Variants in MORC2 observed in about 807,000 individuals in gnomAD.
MORC2 encodes ATPase MORC2.
A neutral mutation model predicts 136.0 loss-of-function variants in MORC2; 30 were observed. The observed-to-expected ratio is 0.22, with a 90% CI of 0.17 to 0.30. MORC2 has a LOEUF of 0.30. MORC2 is among the 10% of genes least tolerant of loss of function. The pLI is 1.00. For missense variants in MORC2, 922 were observed against 1,333.1 expected (o/e 0.69, Z 4.80); for synonymous variants, 439 against 487.0 (o/e 0.90, Z 1.30).
intron 6 of MORC2, among the ~76,000 whole-genome samples, chr22:30,945,210 C>G (rs2040798503): frequency 6.6e-6 from 1 of 152,200 alleles, no homozygotes; most frequent in Non-Finnish European, 1.5e-5. Context: ...TATCCTACTT[C>G]TCCTAGAAGC....
Position 30,940,803 on chromosome 22 carries a change from G to A in MORC2, c.859C>T (p.Arg287Cys), listed in dbSNP as rs2040732647. ...YKYTSSRFKT[R>C]AEQEVKKAEH... ...GCTTTCTTCACCTCCTGCTCCGCAC[G>A]GGTCTTGAAACGGCTTGACGTGTAC... The change falls in exon 10 of 26, where the codon CGT becomes TGT. Residue 287 changes from arginine (R) to cysteine (C), a missense_variant. This residue lies in a region of MORC2 where 261 missense variants were observed against 354.3 expected (regional missense o/e 0.74). Coordinates refer to ENST00000397641, the MANE Select transcript of MORC2 (RefSeq NM_001303256.3). The A allele has an allele frequency of 3.7e-6, 6 of 1,614,048 alleles. No individual in the cohort carries two copies. The highest frequency in any genetic ancestry group is 1.3e-5 in the African/African-American group (1 of 74,994).
chr22:30,956,889 G>A (rs1278755993), intron 2 of MORC2, 92 bp from the exon 3 acceptor site: 4 of 1,079,830 alleles, frequency 3.7e-6, no homozygotes, highest in African/African-American at 1.6e-5. Context: ...AGAGTATTTT[G>A]AGTCTGTTTT....
chr22:30,934,766 G>A lies in MORC2; in HGVS notation c.2193+15C>T, dbSNP rs201301518. ...TGACACTGGGCTGGGGTATTAAAGA[G>A]GACAAGCGTCTCACCGGGGAGAGTT... is the stretch of plus-strand genomic sequence containing the variant. On this transcript the variant is annotated intron_variant, in intron 19 of 25. Coordinates refer to ENST00000397641, the MANE Select transcript of MORC2 (RefSeq NM_001303256.3). The surrounding 1 kb of genome is among the most constrained non-coding windows in gnomAD (Gnocchi z 4.4). 1,638 of 1,613,072 alleles carry A rather than the reference G, an allele frequency of 1.0e-3. 3 individuals are homozygous for A. The highest frequency in any genetic ancestry group is 1.3e-3 in the Non-Finnish European group (1,567 of 1,179,264).
chr22:30,937,158 G>T lies in MORC2; in HGVS notation c.1499-121C>A. The T allele has an allele frequency of 1.4e-6, 1 of 710,812 alleles. No homozygotes were observed. Among genetic ancestry groups the T allele is most frequent in the Non-Finnish European group, 2.5e-6 (1 of 400,648 alleles). 44.0% of individuals were successfully genotyped at this position (710,812 alleles called of 1,614,324 possible). ...CTTTGTAGGCAAAGATCTTCACTCG[G>T]GCTCCAACTCTGCCTATCCTTAGAG... is the stretch of plus-strand genomic sequence containing the variant. On this transcript the variant is annotated intron_variant, in intron 15 of 25. Coordinates refer to ENST00000397641, the MANE Select transcript of MORC2 (RefSeq NM_001303256.3). The surrounding 1 kb of genome is among the most constrained non-coding windows in gnomAD (Gnocchi z 4.7).
At chr22:30,957,197 G>A (rs184433934) in intron 2 of MORC2, among the ~76,000 whole-genome samples, 20 of 151,934 alleles carry the variant, frequency 1.3e-4, no homozygotes, top group Non-Finnish European at 2.2e-4. Context: ...TTTTCTTCTC[G>A]TCAATATTTT....
chr22:30,941,557 T>C lies in MORC2; in HGVS notation c.700A>G (p.Lys234Glu), dbSNP rs199928683. ...GCACGGAACGAGCGCCGCTCTGGCT[T>C]CCTGGAGAGGGCAAAAACAGAGAAG... ...QMAETSPEGT[K>E]PERRSFRAYA... The change falls in exon 9 of 26, where the codon AAG (lysine) becomes GAG (glutamate). Residue 234 changes from lysine to glutamate, a missense_variant and splice_region_variant. Around this residue, in one of 9 missense-constraint regions of MORC2, gnomAD observed 261 missense variants for 354.3 expected, o/e 0.74. Coordinates refer to ENST00000397641, the MANE Select transcript of MORC2 (RefSeq NM_001303256.3). This position sits in a 1 kb window ranked among gnomAD's most constrained non-coding sequence, Gnocchi z 4.6. The C allele has an allele frequency of 6.2e-7, 1 of 1,612,030 alleles. No homozygotes were observed. Among genetic ancestry groups the C allele is most frequent in the Non-Finnish European group, 8.5e-7 (1 of 1,178,438 alleles).
At chr22:30,961,336 G>GAAATA (rs2041042470) in intron 1 of MORC2, among the ~76,000 whole-genome samples, 13 of 152,166 alleles carry the variant, frequency 8.5e-5, no homozygotes, top group Admixed American at 2.6e-4. Context: ...ACTAACTAGG[G>GAAATA]AGAAATAAGC....
chr22:30,967,918 C>T lies in MORC2; in HGVS notation c.-29G>A. On this transcript the variant is annotated 5_prime_UTR_variant, in exon 1 of 26. Transcript: ENST00000397641. The stretch of plus-strand genomic sequence containing the variant: ...TGCAATAAGGTCTCCAGCCCTTCAC[C>T]CGCTAACTGGGAAATATAACCTTAT... The T allele has an allele frequency of 6.8e-7, 1 of 1,475,716 alleles. No individual in the cohort carries two copies. Among genetic ancestry groups the T allele is most frequent in the African/African-American group, 1.4e-5 (1 of 71,546 alleles). The allele number at this position is 1,475,716 out of a possible 1,614,324, so 91.4% of individuals were successfully genotyped here.
Position 30,938,158 on chromosome 22 carries a change from A to G in MORC2, c.1121T>C (p.Ile374Thr), listed in dbSNP as rs1366873443. The G allele has an allele frequency of 1.2e-6, 2 of 1,614,046 alleles. No individual in the cohort carries two copies. Among genetic ancestry groups the G allele is most frequent in the East Asian group, 2.2e-5 (1 of 44,890 alleles). The part of the protein sequence containing the change: ...KELNFVFGVN[I>T]EHRDLDGMFI... ...CATGCCATCCAGATCCCGGTGTTCAATGTTGACACCAAAAACAAAATTCAG... is the reference window on the plus strand; with the variant it reads ...CATGCCATCCAGATCCCGGTGTTCAGTGTTGACACCAAAAACAAAATTCAG... The change falls in exon 13 of 26, where the codon ATT (isoleucine) becomes ACT (threonine). Residue 374 changes from isoleucine to threonine, a missense_variant. Physicochemically the swap from Ile to Thr is moderately conservative, Grantham distance 89. Transcript: ENST00000397641.
intron 3 of MORC2, among the ~76,000 whole-genome samples, chr22:30,954,090 G>A (rs1427417089): frequency 6.6e-6 from 1 of 152,164 alleles, no homozygotes; most frequent in Non-Finnish European, 1.5e-5. Context: ...GATTACTTGA[G>A]CTCAGGAGTT....
Position 30,951,394 on chromosome 22 carries a change from A to G in MORC2, c.158-949T>C, listed in dbSNP as rs1287014547. ...AGCTTCCAAGGTGCCTTTTGACCCAATGATGAGGACTAGGTGAGCAAAAGA... is the reference window on the plus strand; with the variant it reads ...AGCTTCCAAGGTGCCTTTTGACCCAGTGATGAGGACTAGGTGAGCAAAAGA... On this transcript the variant is annotated intron_variant, in intron 3 of 25. Transcript: ENST00000397641. Among the ~76,000 whole-genome samples, 5 of 152,356 alleles carry G rather than the reference A, an allele frequency of 3.3e-5. No homozygotes were observed. The East Asian group carries it at 7.7e-4, about 24-fold the overall frequency.
Position 30,941,594 on chromosome 22 carries a change from G to T in MORC2, c.699-36C>A. 1 of 1,602,802 alleles carries T rather than the reference G, an allele frequency of 6.2e-7. No homozygotes were observed. The highest frequency in any genetic ancestry group is 8.5e-7 in the Non-Finnish European group (1 of 1,172,016). On this transcript the variant is annotated intron_variant, in intron 8 of 25. Transcript: ENST00000397641. This position sits in a 1 kb window ranked among gnomAD's most constrained non-coding sequence, Gnocchi z 4.6. ...CAAAAACAGAGAAGTGCTGTCACCT[G>T]CTCCACAACAGGCCTGACCAAGGGC...
chr22:30,957,140 C>T (rs2040978580), intron 2 of MORC2, among the ~76,000 whole-genome samples: 2 of 152,160 alleles, frequency 1.3e-5, no homozygotes, highest in Non-Finnish European at 2.9e-5. Flanking sequence ...GTTTTTCTCA[C>T]TCATTTGATT....
At chr22:30,958,124 T>C (rs1340888710) in intron 2 of MORC2, among the ~76,000 whole-genome samples, 1 of 152,238 alleles carries the variant, frequency 6.6e-6, no homozygotes, top group African/African-American at 2.4e-5. Context: ...CACTAAGAAC[T>C]CAGTATAAGA....
chr22:30,958,801 A>G, intron 1 of MORC2, 107 bp from the exon 2 acceptor site: 1 of 997,704 alleles, frequency 1.0e-6, no homozygotes, highest in South Asian at 1.5e-5. Context: ...AAATCTTAAA[A>G]CCACCATTTG....
chr22:30,956,737 A>G (rs1177866418), intron 3 of MORC2, 26 bp downstream of exon 3: 2 of 1,514,428 alleles, frequency 1.3e-6, no homozygotes, highest in Non-Finnish European at 1.8e-6. Context: ...TGAACTAGAC[A>G]TTAGAAGGAC....
At chr22:30,931,633 C>T (rs1434519712) in intron 24 of MORC2, among the ~76,000 whole-genome samples, 1 of 152,252 alleles carries the variant, frequency 6.6e-6, no homozygotes, top group Non-Finnish European at 1.5e-5. Context: ...CCACCTCAAA[C>T]ACTCCTTTTC....
intron 10 of MORC2, 43 bp downstream of exon 10, chr22:30,940,715 C>G (rs765571486): frequency 3.8e-6 from 6 of 1,568,164 alleles, no homozygotes; most frequent in Non-Finnish European, 5.3e-6. Flanking sequence ...CAGCATACCC[C>G]AGATGCACAC....
chr22:30,951,502 C>G (rs1417768593), intron 3 of MORC2, among the ~76,000 whole-genome samples: 1 of 152,214 alleles, frequency 6.6e-6, no homozygotes, highest in Non-Finnish European at 1.5e-5. Flanking sequence ...GAGACCCACA[C>G]AAGCCAAGCA....
Sources: gnomAD v4.1 joint callset for allele counts (sites outside exome capture counted in the v4.1 genomes callset) on GRCh38, gnomAD v4.1.1 for gene constraint, gnomAD v4.1.1 regional missense constraint, Gnocchi (gnomAD v3.1) non-coding constraint, MANE v1.5 for transcripts, NCBI Gene and HGNC (gene_info 2026-07-23, HGNC 2026-07-21) for gene names.